The following CTNNA2 variants were observed in gnomAD, a reference collection of about 807,000 sequenced individuals.
The protein encoded by CTNNA2 is catenin alpha 2, also known as catenin alpha-2.
Under a neutral mutation model 101.0 loss-of-function variants are expected in CTNNA2, and 42 were observed. The ratio of observed to expected loss-of-function variants is 0.42; its 90% confidence interval spans 0.32 to 0.54. The LOEUF is 0.54. CTNNA2 is among the 20% of genes least tolerant of loss of function. The probability of loss-of-function intolerance (pLI) is 0.14; values close to 1 mark genes in which losing one functional copy is unlikely to be tolerated. For synonymous variants in CTNNA2, 450 were observed against 456.4 expected (o/e 0.99, Z 0.18); for missense variants, 871 against 1,223.1 (o/e 0.71, Z 4.29).
At chr2:79,653,099 G>T (rs1681371528) in intron 2 of CTNNA2, among the ~76,000 whole-genome samples, 1 of 152,112 alleles carries the variant, frequency 6.6e-6, no homozygotes, top group Non-Finnish European at 1.5e-5. Context: ...TAAAGTGGAA[G>T]GAAAAAGGAG....
intron 3 of CTNNA2, among the ~76,000 whole-genome samples, chr2:79,782,597 G>A (rs1674536464): frequency 1.3e-5 from 2 of 152,130 alleles, no homozygotes; most frequent in African/African-American, 2.4e-5. Context: ...TTAACTTGGA[G>A]GAAGATAAAT....
chr2:79,463,652 C>G (rs1483160483), intron 4 of CTNNA2, among the ~76,000 whole-genome samples: 1 of 152,030 alleles, frequency 6.6e-6, no homozygotes, highest in Admixed American at 6.5e-5. Context: ...CTACCTGATA[C>G]CTTGGAAGCA....
intron 9 of CTNNA2, among the ~76,000 whole-genome samples, chr2:80,540,502 C>A (rs182277089): frequency 8.6e-5 from 13 of 150,902 alleles, no homozygotes; most frequent in Non-Finnish European, 1.8e-4. Context: ...GAGGCTGAGA[C>A]AGGAGAATCA....
intron 2 of CTNNA2, among the ~76,000 whole-genome samples, chr2:79,199,101 A>G (rs1673999658): frequency 6.6e-6 from 1 of 152,238 alleles, no homozygotes; most frequent in Non-Finnish European, 1.5e-5. Context: ...TCTACAATTT[A>G]CAAAGTTGTA....
intron 9 of CTNNA2, among the ~76,000 whole-genome samples, chr2:80,447,379 T>C (rs1202437123): frequency 6.6e-6 from 1 of 152,204 alleles, no homozygotes; most frequent in African/African-American, 2.4e-5. Flanking sequence ...TATATAATTA[T>C]AGCTGGCCAC....
intron 3 of CTNNA2, among the ~76,000 whole-genome samples, chr2:79,788,148 T>C (rs72912787): frequency 0.04 from 6,041 of 152,234 alleles, 307 homozygotes; most frequent in East Asian, 0.16. Flanking sequence ...ACTTTATCTG[T>C]TAGGCATTGG....
At chr2:79,969,821 A>G (rs1690351746) in intron 7 of CTNNA2, among the ~76,000 whole-genome samples, 1 of 152,176 alleles carries the variant, frequency 6.6e-6, no homozygotes. Flanking sequence ...GGGTTTTACA[A>G]TTCTGTTCAA....
chr2:79,628,713 A>G (rs934191312), intron 1 of CTNNA2, among the ~76,000 whole-genome samples: 4 of 152,164 alleles, frequency 2.6e-5, no homozygotes, highest in African/African-American at 7.2e-5. Context: ...TTTTTCTCCT[A>G]TAGCTTTAAG....
chr2:80,035,194 G>A (rs910172929), intron 7 of CTNNA2, among the ~76,000 whole-genome samples: 2 of 152,128 alleles, frequency 1.3e-5, no homozygotes, highest in African/African-American at 4.8e-5. Flanking sequence ...GTGTGTAGCA[G>A]GTTGACTTTT....
At chr2:80,085,814 T>C (rs747960764) in intron 7 of CTNNA2, among the ~76,000 whole-genome samples, 2 of 152,040 alleles carry the variant, frequency 1.3e-5, no homozygotes, top group Non-Finnish European at 2.9e-5. Flanking sequence ...TATTAATGAC[T>C]TGTATTAAGT....
intron 1 of CTNNA2, among the ~76,000 whole-genome samples, chr2:79,548,416 T>C (rs1673875514): frequency 6.6e-6 from 1 of 152,216 alleles, no homozygotes; most frequent in Non-Finnish European, 1.5e-5. Flanking sequence ...ATCATTCCTT[T>C]CCATTTCTTC....
chr2:79,889,133 C>A (rs890670944), intron 6 of CTNNA2, among the ~76,000 whole-genome samples: 1 of 152,142 alleles, frequency 6.6e-6, no homozygotes, highest in Non-Finnish European at 1.5e-5. Flanking sequence ...TAGGGAGTTA[C>A]TTAAATGTTC....
chr2:80,200,679 G>T lies in CTNNA2; in HGVS notation c.1057-192532G>T, dbSNP rs895814386. On this transcript the variant is annotated intron_variant, in intron 7 of 18. Transcript: ENST00000402739. Reference sequence around the variant, plus strand: ...GCCTCCTGAGTAGCTGGGATTACAGGCACCTGCCACCACGCCCGGCTAATT... The same window carrying T: ...GCCTCCTGAGTAGCTGGGATTACAGTCACCTGCCACCACGCCCGGCTAATT... 7.2e-5 allele frequency among the ~76,000 whole-genome samples: 11 copies of T among 152,106 alleles called. 1 individual carries two copies. The East Asian group carries it at 1.6e-3, about 21-fold the overall frequency.
chr2:80,478,262 C>T (rs1047574527), intron 9 of CTNNA2, among the ~76,000 whole-genome samples: 3 of 151,898 alleles, frequency 2.0e-5, no homozygotes, highest in Non-Finnish European at 2.9e-5. Context: ...TTTATTTTCT[C>T]GCTGATCTGT....
At chr2:79,271,372 C>T (rs1289660189) in intron 2 of CTNNA2, among the ~76,000 whole-genome samples, 1 of 151,910 alleles carries the variant, frequency 6.6e-6, no homozygotes, top group Non-Finnish European at 1.5e-5. Flanking sequence ...GATAAAATAG[C>T]TTTTGTGACA....
chr2:80,051,595 G>T (rs540799276), intron 7 of CTNNA2, among the ~76,000 whole-genome samples: 2 of 152,226 alleles, frequency 1.3e-5, no homozygotes, highest in Admixed American at 6.5e-5. Context: ...TAACAGGCTG[G>T]ATCCCAAAAT....
At chr2:80,470,896 G>C (rs1380818579) in intron 9 of CTNNA2, among the ~76,000 whole-genome samples, 2 of 152,152 alleles carry the variant, frequency 1.3e-5, no homozygotes, top group Non-Finnish European at 2.9e-5. Flanking sequence ...TACTCCAGTT[G>C]GGTCTCTCTA....
At chr2:80,149,784 AC>A in intron 7 of CTNNA2, among the ~76,000 whole-genome samples, 2 of 139,052 alleles carry the variant, frequency 1.4e-5, no homozygotes, top group Non-Finnish European at 3.0e-5. Flanking sequence ...TCACACACAC[AC>A]ACACACACAC....
chr2:79,990,056 A>G (rs1414190206), intron 7 of CTNNA2, among the ~76,000 whole-genome samples: 2 of 152,210 alleles, frequency 1.3e-5, no homozygotes, highest in Non-Finnish European at 2.9e-5. Flanking sequence ...GGGAAGAAAC[A>G]AAGAGTGATT....
Sources: gnomAD v4.1 joint callset for allele counts (sites outside exome capture counted in the v4.1 genomes callset) on GRCh38, gnomAD v4.1.1 for gene constraint, MANE v1.5 for transcripts, NCBI Gene and HGNC (gene_info 2026-07-23, HGNC 2026-07-21) for gene names.